Variants in CNTNAP5 observed in about 807,000 individuals in gnomAD.
CNTNAP5 encodes contactin associated protein family member 5.
In CNTNAP5, 72 loss-of-function variants were observed where a neutral mutation model predicts 150.2. The observed-to-expected ratio is 0.48, with a 90% CI of 0.40 to 0.58. The LOEUF (loss-of-function observed/expected upper bound fraction) is 0.58. Among genes scored for constraint, CNTNAP5 ranks in the 20% least tolerant of loss-of-function variants. The pLI is 0.00. For synonymous variants in CNTNAP5, 672 were observed against 619.8 expected (o/e 1.08, Z -1.25); for missense variants, 1,636 against 1,626.2 (o/e 1.01, Z -0.10).
intron 3 of CNTNAP5, among the ~76,000 whole-genome samples, chr2:124,362,140 G>A (rs934534347): frequency 1.3e-5 from 2 of 152,234 alleles, no homozygotes; most frequent in African/African-American, 4.8e-5. Context: ...CGCTTCCCAA[G>A]TGAGGCAATG....
chr2:124,732,013 G>A (rs1192541296), intron 13 of CNTNAP5, among the ~76,000 whole-genome samples: 6 of 151,922 alleles, frequency 3.9e-5, no homozygotes, highest in East Asian at 3.9e-4. Context: ...TCTTTTACTC[G>A]GAGCAAGTTT....
At chr2:124,166,940 A>G (rs930435131) in intron 1 of CNTNAP5, among the ~76,000 whole-genome samples, 1 of 152,168 alleles carries the variant, frequency 6.6e-6, no homozygotes, top group Non-Finnish European at 1.5e-5. Flanking sequence ...CTCTGCCCAC[A>G]GAGTGAATGC....
At chr2:124,720,224 A>T (rs1558749760) in intron 13 of CNTNAP5, among the ~76,000 whole-genome samples, 1 of 152,158 alleles carries the variant, frequency 6.6e-6, no homozygotes, top group Non-Finnish European at 1.5e-5. Context: ...TCTATAAGAA[A>T]GGGTTTTGTA....
intron 3 of CNTNAP5, among the ~76,000 whole-genome samples, chr2:124,270,720 T>C (rs140816431): frequency 1.6e-4 from 25 of 152,292 alleles, no homozygotes; most frequent in Admixed American, 7.2e-4. Context: ...TGTGTGTGTT[T>C]TAGGCCAAGA....
chr2:124,545,595 T>C (rs1466824023), intron 10 of CNTNAP5, among the ~76,000 whole-genome samples: 1 of 152,164 alleles, frequency 6.6e-6, no homozygotes, highest in East Asian at 1.9e-4. Flanking sequence ...TTTGCTTGCA[T>C]GAGTCATTAT....
chr2:124,758,769 A>G (rs1680894797), intron 14 of CNTNAP5, among the ~76,000 whole-genome samples: 1 of 152,098 alleles, frequency 6.6e-6, no homozygotes, highest in Non-Finnish European at 1.5e-5. Context: ...AGTTGAAGGT[A>G]CAACATAAAG....
chr2:124,806,210 T>C (rs1344518564), intron 19 of CNTNAP5, among the ~76,000 whole-genome samples: 7 of 152,232 alleles, frequency 4.6e-5, no homozygotes, highest in African/African-American at 1.7e-4. Flanking sequence ...CCTCTGATTA[T>C]TCTTGGATTT....
At chr2:124,751,027 A>G (rs1354722787) in intron 14 of CNTNAP5, among the ~76,000 whole-genome samples, 1 of 150,830 alleles carries the variant, frequency 6.6e-6, no homozygotes, top group Non-Finnish European at 1.5e-5. Flanking sequence ...AACTGCCATG[A>G]GTTTTGCACC....
chr2:124,209,888 T>A (rs1370516616), intron 1 of CNTNAP5, among the ~76,000 whole-genome samples: 1 of 152,184 alleles, frequency 6.6e-6, no homozygotes, highest in African/African-American at 2.4e-5. Flanking sequence ...GTGCAGTAAG[T>A]GCATTGTTGA....
chr2:124,419,988 CTTT>C (rs772589224), intron 4 of CNTNAP5, among the ~76,000 whole-genome samples: 6 of 78,890 alleles, frequency 7.6e-5, no homozygotes, highest in South Asian at 4.3e-4. Flanking sequence ...TTCTTTCTTT[CTTT>C]TTTTTTTTTT....
At chr2:124,476,916 C>G (rs930898611) in intron 7 of CNTNAP5, among the ~76,000 whole-genome samples, 11 of 152,128 alleles carry the variant, frequency 7.2e-5, no homozygotes, top group Admixed American at 5.2e-4. Context: ...ACCAGTTGGT[C>G]TCTCTGGGTT....
chr2:124,037,540 A>G (rs1050690675), intron 1 of CNTNAP5, among the ~76,000 whole-genome samples: 2 of 152,248 alleles, frequency 1.3e-5, no homozygotes, highest in Admixed American at 1.3e-4. Context: ...GACAACATAG[A>G]TTAACCTGGA....
chr2:124,221,066 A>T (rs368618428), intron 1 of CNTNAP5, among the ~76,000 whole-genome samples: 9 of 152,130 alleles, frequency 5.9e-5, no homozygotes, highest in South Asian at 2.1e-4. Context: ...TACTTTCCAC[A>T]TTTAGGATAG....
chr2:124,244,149 C>A (rs548260281), intron 3 of CNTNAP5, among the ~76,000 whole-genome samples: 1 of 152,088 alleles, frequency 6.6e-6, no homozygotes, highest in East Asian at 1.9e-4. Flanking sequence ...CAGCTTAGCC[C>A]CTGGGTTGGG....
chr2:124,064,915 C>A (rs1682116076), intron 1 of CNTNAP5, among the ~76,000 whole-genome samples: 1 of 152,090 alleles, frequency 6.6e-6, no homozygotes. Flanking sequence ...TGGGTTTTGA[C>A]CCTAGTGTAG....
intron 6 of CNTNAP5, among the ~76,000 whole-genome samples, chr2:124,461,992 TAAAG>T (rs912926454): frequency 1.3e-4 from 19 of 151,152 alleles, no homozygotes; most frequent in African/African-American, 4.6e-4. Flanking sequence ...AAAAATAAAA[TAAAG>T]AGTTATTATT....
Position 124,530,792 on chromosome 2 carries a change from A to T in CNTNAP5, c.1649+3336A>T, listed in dbSNP as rs139177270. ...TCTAAACCTCTAGGACACAGTGTGC[A>T]GCTGCTGCCCCTCTTCTGCAGGCCA... On this transcript the variant is annotated intron_variant, in intron 10 of 23. Transcript: ENST00000682447. 3.6e-3 allele frequency among the ~76,000 whole-genome samples: 545 copies of T among 152,182 alleles called. 5 individuals carry two copies. The highest frequency in any genetic ancestry group is 0.013 in the African/African-American group (520 of 41,524).
At chr2:124,681,331 G>A (rs902383626) in intron 13 of CNTNAP5, among the ~76,000 whole-genome samples, 1 of 149,408 alleles carries the variant, frequency 6.7e-6, no homozygotes, top group Non-Finnish European at 1.5e-5. Flanking sequence ...AGTTGAGACA[G>A]CCATGTTGTG....
intron 13 of CNTNAP5, among the ~76,000 whole-genome samples, chr2:124,715,516 T>C (rs576368564): frequency 6.6e-6 from 1 of 152,150 alleles, no homozygotes; most frequent in African/African-American, 2.4e-5. Flanking sequence ...GTGGAATTTT[T>C]ATTTTTTTCT....
Sources: gnomAD v4.1 joint callset for allele counts (sites outside exome capture counted in the v4.1 genomes callset) on GRCh38, gnomAD v4.1.1 for gene constraint, MANE v1.5 for transcripts, NCBI Gene and HGNC (gene_info 2026-07-23, HGNC 2026-07-21) for gene names.